The following C1orf105 variants were observed in gnomAD, a reference collection of about 807,000 sequenced individuals.
C1orf105 encodes chromosome 1 open reading frame 105.
A neutral mutation model predicts 20.8 loss-of-function variants in C1orf105; 17 were observed. That is an observed-to-expected ratio of 0.82 (90% CI 0.56 to 1.23). The LOEUF (loss-of-function observed/expected upper bound fraction) is 1.23. Ranked by LOEUF, C1orf105 falls within the 50% of genes most tolerant of loss-of-function variation. The pLI is 0.00. For synonymous variants in C1orf105, 72 were observed against 72.1 expected (o/e 1.00, Z 0.01); for missense variants, 219 against 213.5 (o/e 1.03, Z -0.16).
chr1:172,448,311 T>C, intron 2 of C1orf105, 130 bp from the exon 3 acceptor site: 1 of 655,644 alleles, frequency 1.5e-6, no homozygotes, highest in Admixed American at 2.5e-5. Flanking sequence ...CCCAATGGCC[T>C]GAGTGCTCCA....
At chr1:172,452,530 G>A (rs955175734) in intron 3 of C1orf105, among the ~76,000 whole-genome samples, 3 of 152,304 alleles carry the variant, frequency 2.0e-5, no homozygotes, top group Middle Eastern at 6.8e-3. Flanking sequence ...GAAAGGGAGC[G>A]AAAGAGAGAA....
intron 1 of C1orf105, among the ~76,000 whole-genome samples, chr1:172,434,371 A>G (rs1469242969): frequency 6.6e-6 from 1 of 152,204 alleles, no homozygotes; most frequent in East Asian, 1.9e-4. Context: ...CTCCTCAGCA[A>G]ATGTAAAAGA....
chr1:172,455,824 A>G (rs1649171786), intron 3 of C1orf105, among the ~76,000 whole-genome samples: 1 of 152,034 alleles, frequency 6.6e-6, no homozygotes, highest in Non-Finnish European at 1.5e-5. Context: ...TGTGGCTTCA[A>G]TCATTCTGCT....
Position 172,432,802 on chromosome 1 carries a change from G to A in C1orf105, c.21+11896G>A, listed in dbSNP as rs1423034951. ...GACAGAAGTAGGCTTCAGAAGGTCA[G>A]TAATAACAAACTTTTCTGAGCTAAA... is the stretch of plus-strand genomic sequence containing the variant. On this transcript the variant is annotated intron_variant, in intron 1 of 6. Transcript: ENST00000367727. 3.3e-5 allele frequency among the ~76,000 whole-genome samples: 5 copies of A among 152,178 alleles called. No homozygotes were observed. In the East Asian group the frequency reaches 9.6e-4, roughly 29 times the overall value.
In C1orf105 at chr1:172,462,196, A is replaced by C; in HGVS notation, c.292A>C (p.Lys98Gln). 1 of 1,609,734 alleles carries C rather than the reference A, an allele frequency of 6.2e-7. No homozygotes were observed. The highest frequency in any genetic ancestry group is 8.5e-7 in the Non-Finnish European group (1 of 1,178,232). The change falls in exon 5 of 7, where the codon AAA (lysine) becomes CAA (glutamine). Residue 98 changes from lysine to glutamine, a missense_variant. Coordinates refer to ENST00000367727, the MANE Select transcript of C1orf105 (RefSeq NM_139240.4). ...TCTTGAGGTACAACCAAGAACAATGAAAATCCCAGATGATCCAAAAGCATC... is the reference window on the plus strand; with the variant it reads ...TCTTGAGGTACAACCAAGAACAATGCAAATCCCAGATGATCCAAAAGCATC... The part of the protein sequence containing the change: ...EMKMVQPRTM[K>Q]IPDDPKASFE...
chr1:172,429,976 C>T (rs2071825652), intron 1 of C1orf105, among the ~76,000 whole-genome samples: 1 of 152,190 alleles, frequency 6.6e-6, no homozygotes, highest in African/African-American at 2.4e-5. Context: ...ACCCTCCAGC[C>T]TTACCTGTAA....
chr1:172,434,639 C>T (rs896242414), intron 1 of C1orf105, among the ~76,000 whole-genome samples: 2 of 152,116 alleles, frequency 1.3e-5, no homozygotes, highest in Non-Finnish European at 2.9e-5. Flanking sequence ...TAAATGCCCA[C>T]AAGAAAAGCA....
chr1:172,432,004 A>G (rs908654097), intron 1 of C1orf105, among the ~76,000 whole-genome samples: 3 of 152,218 alleles, frequency 2.0e-5, no homozygotes, highest in Non-Finnish European at 4.4e-5. Context: ...AGCAGTCTGA[A>G]ATCAAACTGT....
Position 172,456,452 on chromosome 1 carries a change from A to G in C1orf105, c.236A>G (p.Asn79Ser). ...RNQCDSMLLR[N>S]QQLCSTCQEM... is the part of the protein sequence containing the mutation. ...CAGTGTGACTCCATGCTGCTCAGAA[A>G]CCAACAGCTGTGCTCCACATGTCAA... Residue 79 changes from asparagine (N) to serine (S), a missense_variant, in exon 4 of 7, where the codon AAC becomes AGC. Coordinates refer to ENST00000367727, the MANE Select transcript of C1orf105 (RefSeq NM_139240.4). The G allele has an allele frequency of 1.2e-6, 2 of 1,613,514 alleles. No individual in the cohort carries two copies. Among genetic ancestry groups the G allele is most frequent in the Middle Eastern group, 1.6e-4 (1 of 6,062 alleles).
intron 5 of C1orf105, among the ~76,000 whole-genome samples, chr1:172,463,350 A>G (rs1396131472): frequency 1.3e-5 from 2 of 152,198 alleles, no homozygotes; most frequent in African/African-American, 2.4e-5. Context: ...TTTTTCTGTA[A>G]CCTTATGTTG....
At position 172,468,473 on chromosome 1, in the gene C1orf105, T is replaced by C; in HGVS notation, c.431T>C (p.Ile144Thr). 2 of 1,613,754 alleles carry C rather than the reference T, an allele frequency of 1.2e-6. No individual in the cohort carries two copies. The highest frequency in any genetic ancestry group is 1.7e-6 in the Non-Finnish European group (2 of 1,179,694). Residue 144 changes from isoleucine (I) to threonine (T), a missense_variant, in exon 7 of 7, where the codon ATT (isoleucine) becomes ACT (threonine). Coordinates refer to ENST00000367727, the MANE Select transcript of C1orf105 (RefSeq NM_139240.4). ...PTESIHYRLP[I>T]LGPRTAVFHG... is the part of the protein sequence containing the mutation. ...GAAAGCATTCACTACAGACTGCCCATTCTGGGCCCCAGGACAGCTGTCTTC... is the reference window on the plus strand; with the variant it reads ...GAAAGCATTCACTACAGACTGCCCACTCTGGGCCCCAGGACAGCTGTCTTC...
intron 3 of C1orf105, chr1:172,452,691 G>A: frequency 2.6e-6 from 2 of 757,264 alleles, no homozygotes; most frequent in Non-Finnish European, 3.2e-6. Flanking sequence ...GTTTCCAATT[G>A]TCAAATGTGT....
rs1434837766 is a variant in C1orf105, at chr1:172,441,584, C to T, written c.22-3489C>T. The T allele has an allele frequency of 1.3e-5, 9 of 701,840 alleles. No homozygotes were observed. In the East Asian group the frequency reaches 2.2e-4, roughly 17 times the overall value. The allele number at this position is 701,840 out of a possible 1,614,324, so 43.5% of individuals were successfully genotyped here. A position where few individuals can be genotyped will look rare whatever the true frequency, so the allele number is the denominator to read the frequency against. On this transcript the variant is annotated intron_variant, in intron 1 of 6. Transcript: ENST00000367727. ...GGATAAGCACCCTCACCACCCAAGC[C>T]TTTGGTTCATTTTTTTTGGTTTTGA... is the stretch of plus-strand genomic sequence containing the variant.
At chr1:172,455,239 A>G (rs1649112278) in intron 3 of C1orf105, among the ~76,000 whole-genome samples, 3 of 152,196 alleles carry the variant, frequency 2.0e-5, no homozygotes, top group Admixed American at 2.0e-4. Flanking sequence ...TAAGTGCCAT[A>G]TGTCTCTCAC....
chr1:172,439,352 G>C, intron 1 of C1orf105, among the ~76,000 whole-genome samples: 1 of 152,136 alleles, frequency 6.6e-6, no homozygotes, highest in Admixed American at 6.5e-5. Context: ...CAGCCCATTT[G>C]TCCTGTGCTA....
chr1:172,459,594 T>C (rs1331079775), intron 4 of C1orf105, among the ~76,000 whole-genome samples: 1 of 152,116 alleles, frequency 6.6e-6, no homozygotes, highest in Non-Finnish European at 1.5e-5. Context: ...GCCTCAAAAA[T>C]TGCTGATGGG....
chr1:172,431,083 CA>C, intron 1 of C1orf105: 1 of 660,492 alleles, frequency 1.5e-6, no homozygotes. Flanking sequence ...ACAACAGTAT[CA>C]AAATTAAGCC....
chr1:172,466,518 G>A (rs1650064245), intron 6 of C1orf105, among the ~76,000 whole-genome samples: 2 of 151,872 alleles, frequency 1.3e-5, no homozygotes, highest in African/African-American at 2.4e-5. Flanking sequence ...CTCATTCTGC[G>A]TTTCCTTTGG....
At chr1:172,439,752 C>T (rs184968239) in intron 1 of C1orf105, among the ~76,000 whole-genome samples, 2 of 152,270 alleles carry the variant, frequency 1.3e-5, no homozygotes, top group East Asian at 3.9e-4. Flanking sequence ...TCAAATAATA[C>T]AAATGTATTA....
Sources: allele counts gnomAD v4.1 joint callset (sites outside exome capture counted in the v4.1 genomes callset), GRCh38; gene constraint gnomAD v4.1.1; transcripts MANE v1.5; gene names NCBI Gene and HGNC (gene_info 2026-07-23, HGNC 2026-07-21).